STK32B: variants seen among roughly 807,000 people sequenced by gnomAD.
STK32B encodes the protein serine/threonine-protein kinase 32B.
STK32B carries 43 observed loss-of-function variants against 52.6 expected under a neutral mutation model. That is an observed-to-expected ratio of 0.82 (90% CI 0.64 to 1.05). The LOEUF is 1.05. Among genes scored for constraint, STK32B ranks in the 50% least tolerant of loss-of-function variants. The pLI is 0.00. For missense variants in STK32B, 621 were observed against 534.6 expected, an observed-to-expected ratio of 1.16 and a Z score of -1.59; for synonymous variants, 238 against 204.3, an observed-to-expected ratio of 1.17 and a Z score of -1.41.
chr4:5,345,247 A>G (rs1176444951), intron 4 of STK32B: 3 of 151,876 alleles, frequency 2.0e-5, no homozygotes, highest in Non-Finnish European at 4.4e-5. Flanking sequence ...TAAGTAGATA[A>G]TATGTGTACA....
At chr4:5,191,871 C>G (rs542467348) in intron 3 of STK32B, among the ~76,000 whole-genome samples, 50 of 152,322 alleles carry the variant, frequency 3.3e-4, no homozygotes, top group African/African-American at 1.0e-3. Flanking sequence ...TATTCCAAAT[C>G]CATATTAACT....
rs978828913 is a variant in STK32B at position 5,453,674 on chromosome 4, C to T, written c.667-3133C>T. ...ATCCCAGCACTCTGGGAGGCTGAGA[C>T]GGGCAGATCACCTGAGGTGAGGAGT... On this transcript the variant is annotated intron_variant, in intron 7 of 11. Transcript: ENST00000282908. The surrounding 1 kb of genome is among the most constrained non-coding windows in gnomAD (Gnocchi z 4.0). 2.6e-5 allele frequency among the ~76,000 whole-genome samples: 4 copies of T among 152,002 alleles called. No individual in the cohort carries two copies. Among genetic ancestry groups the T allele is most frequent in the African/African-American group, 4.8e-5 (2 of 41,380 alleles).
chr4:5,151,498 C>A (rs761951048), intron 2 of STK32B, among the ~76,000 whole-genome samples: 40 of 152,358 alleles, frequency 2.6e-4, no homozygotes, highest in Admixed American at 2.0e-3. Flanking sequence ...GGAAAGAACA[C>A]ATGTGAATTC....
intron 2 of STK32B, among the ~76,000 whole-genome samples, 193 bp from the exon 3 acceptor site, chr4:5,168,106 A>T (rs1029647083): frequency 6.6e-6 from 1 of 152,144 alleles, no homozygotes. Context: ...TAATAAATGG[A>T]TGAATCTGGT....
chr4:5,343,175 C>T (rs1733206115), intron 4 of STK32B, among the ~76,000 whole-genome samples: 1 of 149,176 alleles, frequency 6.7e-6, no homozygotes, highest in Non-Finnish European at 1.5e-5. Context: ...GTTCAATTCC[C>T]ACCTATGAGT....
the STK32B span, among the ~76,000 whole-genome samples, chr4:5,021,172 C>A: frequency 3.4e-3 from 518 of 152,318 alleles, no homozygotes; most frequent in Non-Finnish European, 5.5e-3. Flanking sequence ...GGCCTCCATT[C>A]CCTGTCTGTA....
chr4:5,171,250 T>C (rs1719346026), intron 3 of STK32B, among the ~76,000 whole-genome samples: 1 of 152,142 alleles, frequency 6.6e-6, no homozygotes, highest in African/African-American at 2.4e-5. Context: ...TCTCCCATTC[T>C]GTAGGTTGCC....
At chr4:5,250,211 T>G (rs924477506) in intron 3 of STK32B, among the ~76,000 whole-genome samples, 1 of 152,092 alleles carries the variant, frequency 6.6e-6, no homozygotes, top group Non-Finnish European at 1.5e-5. Context: ...AGTGCTGCAG[T>G]GAACATGCAT....
intron 1 of STK32B, among the ~76,000 whole-genome samples, chr4:5,092,425 G>A (rs189463998): frequency 6.6e-5 from 10 of 152,174 alleles, no homozygotes; most frequent in African/African-American, 2.4e-4. Context: ...CCAGCTACTC[G>A]GGAGGCTGAG....
At chr4:5,155,503 A>G (rs980186990) in intron 2 of STK32B, among the ~76,000 whole-genome samples, 2 of 152,116 alleles carry the variant, frequency 1.3e-5, no homozygotes, top group Admixed American at 6.5e-5. Flanking sequence ...AGACACACAT[A>G]TGTATATGCA....
At chr4:5,046,442 G>T in the STK32B span, among the ~76,000 whole-genome samples, 1 of 152,128 alleles carries the variant, frequency 6.6e-6, no homozygotes, top group Admixed American at 6.5e-5. Flanking sequence ...ATACCATTCA[G>T]GACATAAGCA....
At chr4:5,168,232 G>T in intron 2 of STK32B, 67 bp from the exon 3 acceptor site, 2 of 1,554,930 alleles carry the variant, frequency 1.3e-6, no homozygotes, top group Non-Finnish European at 1.7e-6. Flanking sequence ...AGTGCGGGGT[G>T]ACATTTCTCC....
chr4:5,374,196 G>T (rs1735436499), intron 4 of STK32B, among the ~76,000 whole-genome samples: 1 of 152,214 alleles, frequency 6.6e-6, no homozygotes. Flanking sequence ...GTAACACCTT[G>T]ACTTTGAAAT....
chr4:5,077,423 T>G (rs1712149264), intron 1 of STK32B, among the ~76,000 whole-genome samples: 1 of 152,108 alleles, frequency 6.6e-6, no homozygotes, highest in Non-Finnish European at 1.5e-5. Context: ...CCCAACCAGC[T>G]GTGAGGGCAG....
At chr4:5,247,604 C>T (rs963595307) in intron 3 of STK32B, among the ~76,000 whole-genome samples, 1 of 152,208 alleles carries the variant, frequency 6.6e-6, no homozygotes, top group African/African-American at 2.4e-5. Flanking sequence ...CGGCGCTTCC[C>T]TGTGTGATGA....
chr4:5,308,208 T>C (rs746375067), intron 3 of STK32B, among the ~76,000 whole-genome samples: 3 of 152,202 alleles, frequency 2.0e-5, no homozygotes, highest in Non-Finnish European at 4.4e-5. Flanking sequence ...TTATGTCCTT[T>C]GTCTTCAGAG....
chr4:5,204,198 T>C (rs2108778399), intron 3 of STK32B: 1 of 152,248 alleles, frequency 6.6e-6, no homozygotes, highest in South Asian at 2.1e-4. Context: ...TGGGTAGAAT[T>C]GTATTAATAG....
At chr4:5,364,680 T>A (rs1409182157) in intron 4 of STK32B, among the ~76,000 whole-genome samples, 1 of 152,018 alleles carries the variant, frequency 6.6e-6, no homozygotes, top group Non-Finnish European at 1.5e-5. Context: ...CCCTCTAGAA[T>A]CATATTCAGT....
At chr4:5,377,683 T>C (rs1735667892) in intron 4 of STK32B, among the ~76,000 whole-genome samples, 1 of 152,194 alleles carries the variant, frequency 6.6e-6, no homozygotes, top group Non-Finnish European at 1.5e-5. Flanking sequence ...TCTCCCATGT[T>C]GTTCTGGTGA....
Sources: gnomAD v4.1 joint callset for allele counts (sites outside exome capture counted in the v4.1 genomes callset) on GRCh38, gnomAD v4.1.1 for gene constraint, Gnocchi (gnomAD v3.1) non-coding constraint, MANE v1.5 for transcripts, NCBI Gene and HGNC (gene_info 2026-07-23, HGNC 2026-07-21) for gene names.